Variants in SAP130 observed in about 807,000 individuals in gnomAD.
The protein encoded by SAP130 is Sin3A associated protein 130.
Under a neutral mutation model 103.2 loss-of-function variants are expected in SAP130, and 16 were observed. The observed-to-expected ratio is 0.16, with a 90% CI of 0.10 to 0.24. SAP130 has a LOEUF of 0.24. SAP130 is among the 10% of genes least tolerant of loss of function. The pLI is 1.00. For missense variants in SAP130, 990 were observed against 1,359.7 expected (o/e 0.73, Z 4.28); for synonymous variants, 477 against 497.0 (o/e 0.96, Z 0.53).
rs371992318 is a variant in SAP130 at position 127,999,833 on chromosome 2, T to G, written c.1121A>C (p.His374Pro). 4.6e-6 allele frequency: 7 copies of G among 1,534,218 alleles called. No homozygotes were observed. Among genetic ancestry groups the G allele is most frequent in the Non-Finnish European group, 6.1e-6 (7 of 1,143,866 alleles). The change falls in exon 10 of 21, where the codon CAC (histidine) becomes CCC (proline). Residue 374 changes from histidine (H) to proline (P), a missense_variant. Physicochemically the swap from His to Pro is moderately conservative, Grantham distance 77 (BLOSUM62 -2). Around this residue, in one of 6 missense-constraint regions of SAP130, gnomAD observed 336 missense variants for 520.1 expected, o/e 0.65. Coordinates refer to ENST00000643581, the MANE Select transcript of SAP130 (RefSeq NM_001330301.2). ...PSATTAGSVS[H>P]TQAPTSTIVT... ...AATGGTACTTGTGGGAGCTTGCGTG[T>G]GTGACACAGATCCTGAAATAGGGGA...
chr2:128,001,562 T>C (rs766233860), intron 7 of SAP130, among the ~76,000 whole-genome samples: 1 of 152,242 alleles, frequency 6.6e-6, no homozygotes, highest in South Asian at 2.1e-4. Context: ...GCCTCTTTTT[T>C]AATCTTTTAC....
intron 2 of SAP130, among the ~76,000 whole-genome samples, chr2:128,023,768 C>T (rs1685307673): frequency 2.0e-5 from 3 of 152,104 alleles, no homozygotes; most frequent in African/African-American, 7.2e-5. Flanking sequence ...CAGAGTGAGA[C>T]TCCGTCTCAG....
rs745687657 is a variant in SAP130, at chr2:127,950,001, A to C, written c.2672-7T>G. ...TATCTCACACCTTCCTCATCTGTTA[A>C]AGAGAAGACATTAAACAACTTAGTA... On this transcript the variant is annotated splice_polypyrimidine_tract_variant and splice_region_variant and intron_variant, in intron 17 of 20. Coordinates refer to ENST00000643581, the MANE Select transcript of SAP130 (RefSeq NM_001330301.2). 226 of 1,613,310 alleles carry C rather than the reference A, an allele frequency of 1.4e-4. No homozygotes were observed. The highest frequency in any genetic ancestry group is 1.9e-4 in the Non-Finnish European group (220 of 1,179,492).
Position 128,000,314 on chromosome 2 carries a change from A to T in SAP130, c.1010T>A (p.Met337Lys). The T allele has an allele frequency of 6.2e-7, 1 of 1,614,202 alleles. No individual in the cohort carries two copies. Among genetic ancestry groups the T allele is most frequent in the Non-Finnish European group, 8.5e-7 (1 of 1,180,032 alleles). Residue 337 changes from methionine (M) to lysine (K), a missense_variant, in exon 8 of 21, where the codon ATG (methionine) becomes AAG (lysine). Transcript: ENST00000643581. The part of the protein sequence containing the change: ...LGTPKQQLHT[M>K]AQKTIFSTGT... ...CTCCACTTTTGGTTTTACCTGAGCCATTGTATGAAGCTGCTGTTTTGGCGT... is the reference window on the plus strand; with the variant it reads ...CTCCACTTTTGGTTTTACCTGAGCCTTTGTATGAAGCTGCTGTTTTGGCGT...
chr2:127,998,686 G>C (rs1683338693), intron 10 of SAP130, among the ~76,000 whole-genome samples: 1 of 152,236 alleles, frequency 6.6e-6, no homozygotes, highest in African/African-American at 2.4e-5. Context: ...TACTTCCACA[G>C]TGGGATCTCT....
At position 127,989,843 on chromosome 2, in the gene SAP130, C is replaced by A. The variant is rs763709582; in HGVS notation, c.1501G>T (p.Ala501Ser). ...YPVSAQAPNS[A>S]ITAQTGVGVA... ...CCAACACCAGTCTGAGCTGTGATGG[C>A]AGAGTTTGGAGCCTGAGCTGAAACT... Residue 501 changes from alanine to serine, a missense_variant, in exon 13 of 21, where the codon GCC becomes TCC. This residue lies in a region of SAP130 where 336 missense variants were observed against 520.1 expected (regional missense o/e 0.65). Coordinates refer to ENST00000643581, the MANE Select transcript of SAP130 (RefSeq NM_001330301.2). This position sits in a 1 kb window ranked among gnomAD's most constrained non-coding sequence, Gnocchi z 4.6. The A allele has an allele frequency of 4.3e-6, 7 of 1,613,660 alleles. No individual in the cohort carries two copies. In the East Asian group the frequency reaches 1.6e-4, roughly 36 times the overall value.
intron 2 of SAP130, 79 bp from the exon 3 acceptor site, chr2:128,017,994 G>T: frequency 8.5e-7 from 1 of 1,174,912 alleles, no homozygotes; most frequent in Non-Finnish European, 1.2e-6. Context: ...AGTGGTACCT[G>T]AAGTTAAATC....
chr2:127,941,944 CT>C lies in SAP130; in HGVS notation c.*61del. The C allele has an allele frequency of 8.6e-6, 2 of 233,464 alleles. No individual in the cohort carries two copies. The highest frequency in any genetic ancestry group is 1.6e-5 in the Non-Finnish European group (2 of 123,228). The allele number at this position is 233,464 out of a possible 1,614,324, so 14.5% of individuals were successfully genotyped here. On this transcript the variant is annotated 3_prime_UTR_variant, in exon 21 of 21. Transcript: ENST00000643581. ...TTCCACTTTGGAAAAAACCAAAACC[CT>C]CCCCCCACCCCCACCATCATTCTTC... is the stretch of plus-strand genomic sequence containing the variant.
At chr2:127,943,512 T>G (rs1352626292) in intron 19 of SAP130, among the ~76,000 whole-genome samples, 2 of 152,216 alleles carry the variant, frequency 1.3e-5, no homozygotes, top group African/African-American at 2.4e-5. Flanking sequence ...TACCACATAT[T>G]TAGACTATAT....
chr2:127,959,994 G>A (rs1341974107), intron 15 of SAP130, among the ~76,000 whole-genome samples: 1 of 152,178 alleles, frequency 6.6e-6, no homozygotes, highest in Non-Finnish European at 1.5e-5. Context: ...GGCCTCAAAT[G>A]ATCCTCCCTC....
Position 128,013,107 on chromosome 2 carries a change from G to A in SAP130, c.667C>T (p.Leu223=), listed in dbSNP as rs745847461. 6.2e-7 allele frequency: 1 copy of A among 1,613,262 alleles called. No homozygotes were observed. The highest frequency in any genetic ancestry group is 1.1e-5 in the South Asian group (1 of 90,966). Residue 223 remains leucine (L), a synonymous_variant, in exon 6 of 21, where the codon CTG becomes TTG. Transcript: ENST00000643581. ...VMSSSKVTTV[L]RPTSQLPNAA... ...TTTGGCAGCTGTGAGGTCGGCCTCA[G>A]GACTGTGGTTACTTTAGAACTGGAC...
intron 15 of SAP130, among the ~76,000 whole-genome samples, chr2:127,968,903 A>AC (rs1470444616): frequency 6.6e-6 from 1 of 151,996 alleles, no homozygotes; most frequent in Non-Finnish European, 1.5e-5. Flanking sequence ...TCCCAGCCCA[A>AC]CATCAGTTTT....
chr2:127,949,838 A>G (rs1679370564), intron 18 of SAP130, 31 bp downstream of exon 18: 5 of 1,609,510 alleles, frequency 3.1e-6, no homozygotes, highest in Non-Finnish European at 4.2e-6. Context: ...AATTTCATGC[A>G]TTAATATCAA....
intron 15 of SAP130, among the ~76,000 whole-genome samples, chr2:127,968,726 G>C (rs1212730501): frequency 6.6e-6 from 1 of 152,072 alleles, no homozygotes; most frequent in Non-Finnish European, 1.5e-5. Flanking sequence ...ATGTTGGCCA[G>C]GCTAGTCTCA....
intron 15 of SAP130, among the ~76,000 whole-genome samples, chr2:127,965,180 C>G (rs1368545136): frequency 6.6e-6 from 1 of 151,904 alleles, no homozygotes; most frequent in Non-Finnish European, 1.5e-5. Flanking sequence ...ACCTGTAGTC[C>G]CAGCTACTTG....
intron 9 of SAP130, 39 bp from the exon 10 acceptor site, chr2:127,999,884 T>G: frequency 6.9e-7 from 1 of 1,454,860 alleles, no homozygotes; most frequent in East Asian, 2.3e-5. Flanking sequence ...TAACAAGAAC[T>G]TCTCTGCACA....
rs1434086198 is a variant in SAP130 at position 127,953,811 on chromosome 2, T to C, written c.2422+1175A>G. On this transcript the variant is annotated intron_variant, in intron 16 of 20. Coordinates refer to ENST00000643581, the MANE Select transcript of SAP130 (RefSeq NM_001330301.2). This position sits in a 1 kb window ranked among gnomAD's most constrained non-coding sequence, Gnocchi z 4.0. The stretch of plus-strand genomic sequence containing the variant: ...AAACTCTTTACACACATTCCAGCCC[T>C]GGCTACAGCTTTCCTTATATTTTGT... Among the ~76,000 whole-genome samples the C allele has an allele frequency of 1.3e-5, 2 of 152,182 alleles. No individual in the cohort carries two copies. Among genetic ancestry groups the C allele is most frequent in the South Asian group, 4.1e-4 (2 of 4,832 alleles).
At chr2:127,993,905 C>T (rs930106972) in intron 11 of SAP130, among the ~76,000 whole-genome samples, 3 of 152,134 alleles carry the variant, frequency 2.0e-5, no homozygotes, top group Non-Finnish European at 2.9e-5. Context: ...CAGACATGTG[C>T]CACCGTACCT....
At position 128,016,522 on chromosome 2, in the gene SAP130, C is replaced by T; in HGVS notation, c.374G>A (p.Ser125Asn). 1 of 1,613,488 alleles carries T rather than the reference C, an allele frequency of 6.2e-7. No homozygotes were observed. Among genetic ancestry groups the T allele is most frequent in the Non-Finnish European group, 8.5e-7 (1 of 1,179,752 alleles). The change falls in exon 4 of 21, where the codon AGC (serine) becomes AAC (asparagine). Residue 125 changes from serine to asparagine, a missense_variant. This residue lies in a region of SAP130 where 167 missense variants were observed against 187.4 expected (regional missense o/e 0.89). Coordinates refer to ENST00000643581, the MANE Select transcript of SAP130 (RefSeq NM_001330301.2). ...MKPPPKPTMP[S>N]RPIAPAPPST... The stretch of plus-strand genomic sequence containing the variant: ...AGGTGGAGCAGGAGCAATGGGACGG[C>T]TAGGCATGGTGGGCTTCGGGGGCGG...
Sources: gnomAD v4.1 joint callset for allele counts (sites outside exome capture counted in the v4.1 genomes callset) on GRCh38, gnomAD v4.1.1 for gene constraint, gnomAD v4.1.1 regional missense constraint, Gnocchi (gnomAD v3.1) non-coding constraint, MANE v1.5 for transcripts, NCBI Gene and HGNC (gene_info 2026-07-23, HGNC 2026-07-21) for gene names.